Variants in ADCY2 observed in about 807,000 individuals in gnomAD.
The protein encoded by ADCY2 is adenylate cyclase 2.
Under a neutral mutation model 125.2 loss-of-function variants are expected in ADCY2, and 31 were observed. The ratio of observed to expected loss-of-function variants is 0.25; its 90% CI spans 0.19 to 0.33. The LOEUF is 0.33. ADCY2 is among the 10% of genes least tolerant of loss of function. ADCY2 has a pLI of 1.00. For synonymous variants in ADCY2, 512 were observed against 548.4 expected, an observed-to-expected ratio of 0.93 and a Z score of 0.93; for missense variants, 904 against 1,418.2, an observed-to-expected ratio of 0.64 and a Z score of 5.82.
chr5:7,597,882 G>A (rs186490917), intron 3 of ADCY2, among the ~76,000 whole-genome samples: 1 of 152,248 alleles, frequency 6.6e-6, no homozygotes, highest in East Asian at 1.9e-4. Flanking sequence ...GAACACCTGT[G>A]TACCTTGCCC....
At chr5:7,762,970 T>C (rs924187803) in intron 16 of ADCY2, among the ~76,000 whole-genome samples, 2 of 140,884 alleles carry the variant, frequency 1.4e-5, no homozygotes, top group African/African-American at 2.7e-5. Context: ...GCCTCAATCA[T>C]GTCCTCATGT....
At chr5:7,421,796 G>A (rs540929938) in intron 2 of ADCY2, among the ~76,000 whole-genome samples, 1 of 152,174 alleles carries the variant, frequency 6.6e-6, no homozygotes, top group Non-Finnish European at 1.5e-5. Flanking sequence ...TTAAATGTGG[G>A]CTATGAAAGT....
chr5:7,608,572 T>C (rs1350992645), intron 3 of ADCY2, among the ~76,000 whole-genome samples: 1 of 152,108 alleles, frequency 6.6e-6, no homozygotes, highest in African/African-American at 2.4e-5. Context: ...CGAGACTCTG[T>C]CTCAAAAAAA....
chr5:7,534,124 T>C (rs1156372864), intron 3 of ADCY2, among the ~76,000 whole-genome samples: 1 of 152,196 alleles, frequency 6.6e-6, no homozygotes, highest in East Asian at 1.9e-4. Flanking sequence ...TTGGCTTTCC[T>C]ACCTCTGGGC....
intron 2 of ADCY2, among the ~76,000 whole-genome samples, chr5:7,470,054 C>T (rs990385321): frequency 6.6e-6 from 1 of 151,774 alleles, no homozygotes; most frequent in Admixed American, 6.6e-5. Context: ...GCCAAGTTAA[C>T]TTTATTTATT....
At chr5:7,788,505 C>CT (rs1295842641) in intron 19 of ADCY2, among the ~76,000 whole-genome samples, 1 of 152,150 alleles carries the variant, frequency 6.6e-6, no homozygotes, top group African/African-American at 2.4e-5. Flanking sequence ...TTTAAAATAT[C>CT]TTTTTTGCAG....
chr5:7,504,875 G>T (rs1487577670), intron 2 of ADCY2, among the ~76,000 whole-genome samples: 2 of 151,720 alleles, frequency 1.3e-5, no homozygotes, highest in Non-Finnish European at 2.9e-5. Context: ...GGAAGAGAGG[G>T]TTTATTTATT....
intron 4 of ADCY2, among the ~76,000 whole-genome samples, chr5:7,641,413 G>A (rs1421091887): frequency 6.6e-6 from 1 of 152,132 alleles, no homozygotes; most frequent in Non-Finnish European, 1.5e-5. Context: ...GGTATAAGAT[G>A]TGAAGCTGTT....
intron 3 of ADCY2, among the ~76,000 whole-genome samples, chr5:7,599,214 G>GATCTCC (rs1228407873): frequency 6.6e-6 from 1 of 152,214 alleles, no homozygotes; most frequent in Non-Finnish European, 1.5e-5. Context: ...AGGACAGATA[G>GATCTCC]ATTTGAGTAG....
intron 3 of ADCY2, among the ~76,000 whole-genome samples, chr5:7,558,144 C>A (rs1046450998): frequency 6.6e-6 from 1 of 152,012 alleles, no homozygotes; most frequent in South Asian, 2.1e-4. Flanking sequence ...CCCCTGCCAC[C>A]CGGGTTTAAG....
intron 17 of ADCY2, among the ~76,000 whole-genome samples, chr5:7,768,372 G>T (rs1383209523): frequency 6.6e-6 from 1 of 152,206 alleles, no homozygotes; most frequent in East Asian, 1.9e-4. Flanking sequence ...AATTAACGGT[G>T]TGGCCTGCCT....
chr5:7,736,577 T>C (rs2126418761), intron 14 of ADCY2, among the ~76,000 whole-genome samples: 1 of 152,296 alleles, frequency 6.6e-6, no homozygotes, highest in African/African-American at 2.4e-5. Flanking sequence ...TGTTAACAAC[T>C]CTTCTGGGAT....
At chr5:7,673,269 A>AAAATATATATATATATATATAT (rs1554030659) in intron 4 of ADCY2, among the ~76,000 whole-genome samples, 1 of 3,932 alleles carries the variant, frequency 2.5e-4, no homozygotes, top group African/African-American at 6.4e-4. Context: ...AAAAAAAAAA[A>AAAATATATATATATATATATAT]ATATATATAT....
intron 19 of ADCY2, among the ~76,000 whole-genome samples, chr5:7,787,272 T>C (rs1342982501): frequency 1.3e-5 from 2 of 152,194 alleles, no homozygotes; most frequent in East Asian, 3.9e-4. Context: ...GGCTTCATCT[T>C]GGCCTCTGCT....
At chr5:7,705,464 G>T (rs148667604) in intron 7 of ADCY2, among the ~76,000 whole-genome samples, 1 of 152,242 alleles carries the variant, frequency 6.6e-6, no homozygotes, top group Non-Finnish European at 1.5e-5. Context: ...GCCTGAGTCC[G>T]GAAGAACAAT....
chr5:7,571,203 A>T (rs1736055706), intron 3 of ADCY2, among the ~76,000 whole-genome samples: 1 of 152,130 alleles, frequency 6.6e-6, no homozygotes, highest in African/African-American at 2.4e-5. Flanking sequence ...GCAGGCAGTT[A>T]TGGAGGCTGA....
At chr5:7,623,199 A>G (rs1738013606) in intron 3 of ADCY2, among the ~76,000 whole-genome samples, 1 of 152,098 alleles carries the variant, frequency 6.6e-6, no homozygotes, top group Non-Finnish European at 1.5e-5. Flanking sequence ...GGAGAAATGT[A>G]CTCCCTAAAA....
chr5:7,447,476 C>T (rs1371296886), intron 2 of ADCY2, among the ~76,000 whole-genome samples: 1 of 152,192 alleles, frequency 6.6e-6, no homozygotes, highest in African/African-American at 2.4e-5. Context: ...CAGGGCCTGT[C>T]CAGCTCTGTG....
At chr5:7,748,559 CACACAA>C (rs1478692615) in intron 15 of ADCY2, among the ~76,000 whole-genome samples, 2 of 149,350 alleles carry the variant, frequency 1.3e-5, no homozygotes, top group African/African-American at 2.5e-5. Flanking sequence ...CACACACACA[CACACAA>C]AATGCTGAAG....
Sources: allele counts gnomAD v4.1 joint callset (sites outside exome capture counted in the v4.1 genomes callset), GRCh38; gene constraint gnomAD v4.1.1; transcripts MANE v1.5; gene names NCBI Gene and HGNC (gene_info 2026-07-23, HGNC 2026-07-21).